The following RAD51B variants were observed in gnomAD, a reference collection of about 807,000 sequenced individuals.
The protein encoded by RAD51B is RAD51 paralog B.
RAD51B carries 38 observed loss-of-function variants against 42.2 expected under a neutral mutation model. That is an observed-to-expected ratio of 0.90 (90% CI 0.70 to 1.18). RAD51B has a LOEUF of 1.18. Among genes scored for constraint, RAD51B ranks in the 50% most tolerant of loss-of-function variants. The probability of loss-of-function intolerance (pLI) is 0.00; values close to 1 mark genes in which losing one functional copy is unlikely to be tolerated. For missense variants in RAD51B, 373 were observed against 400.7 expected (o/e 0.93, Z 0.59); for synonymous variants, 154 against 145.2 (o/e 1.06, Z -0.43).
chr14:67,871,308 C>A (rs2042522592), intron 5 of RAD51B, among the ~76,000 whole-genome samples: 1 of 152,064 alleles, frequency 6.6e-6, no homozygotes, highest in Non-Finnish European at 1.5e-5. Flanking sequence ...ACTACAAACA[C>A]CTCTATGCAA....
chr14:67,957,105 G>T (rs1349789475), intron 7 of RAD51B, among the ~76,000 whole-genome samples: 3 of 152,220 alleles, frequency 2.0e-5, no homozygotes, highest in Non-Finnish European at 2.9e-5. Flanking sequence ...GAATAAGATA[G>T]AATGTGATAA....
At position 68,508,222 on chromosome 14, in the gene RAD51B, G is replaced by C. The variant is rs996485311; in HGVS notation, c.1036+39972G>C. 2.6e-5 allele frequency among the ~76,000 whole-genome samples: 4 copies of C among 152,094 alleles called. No homozygotes were observed. The East Asian group carries it at 7.7e-4, about 29-fold the overall frequency. On this transcript the variant is annotated intron_variant, in intron 10 of 10. Coordinates refer to the RAD51B transcript ENST00000487270. ...CTTTATACTTGGTCCCTGCTTGGTT[G>C]GAGTCCTCTGCCACCCTCTGGCAAT...
intron 10 of RAD51B, among the ~76,000 whole-genome samples, chr14:68,618,847 CTTT>C (rs990624179): frequency 6.6e-6 from 1 of 151,722 alleles, no homozygotes; most frequent in Non-Finnish European, 1.5e-5. Flanking sequence ...CCTTCCCTAC[CTTT>C]TTTTTTCTTT....
intron 10 of RAD51B, among the ~76,000 whole-genome samples, chr14:68,527,121 C>T (rs984367901): frequency 4.6e-5 from 7 of 152,170 alleles, no homozygotes; most frequent in Non-Finnish European, 8.8e-5. Flanking sequence ...CCAATAATAA[C>T]GATGACCAAA....
intron 8 of RAD51B, among the ~76,000 whole-genome samples, chr14:68,318,781 C>T (rs144227749): frequency 6.6e-6 from 1 of 152,178 alleles, no homozygotes; most frequent in African/African-American, 2.4e-5. Context: ...GCATTGAACC[C>T]GCCAAAGAAA....
At position 68,372,873 on chromosome 14, in the gene RAD51B, C is replaced by G. The variant is rs138927968; in HGVS notation, c.854-38551C>G. ...ATACATAAATACCATCTGGGAAGTT[C>G]TCTAATCAACATTCTCCTTCCCTAG... On this transcript the variant is annotated intron_variant, in intron 8 of 10. Transcript: ENST00000471583. Among the ~76,000 whole-genome samples the G allele has an allele frequency of 5.9e-5, 9 of 152,322 alleles. No homozygotes were observed. In the East Asian group the frequency reaches 1.5e-3, roughly 26 times the overall value.
intron 8 of RAD51B, among the ~76,000 whole-genome samples, chr14:68,298,985 G>A (rs1171028537): frequency 3.9e-5 from 6 of 152,062 alleles, no homozygotes; most frequent in Non-Finnish European, 2.9e-5. Flanking sequence ...AGGCAGTCTA[G>A]CCCAAGGAGG....
chr14:67,983,170 G>A (rs1056455657), intron 7 of RAD51B, among the ~76,000 whole-genome samples: 1 of 152,148 alleles, frequency 6.6e-6, no homozygotes, highest in African/African-American at 2.4e-5. Flanking sequence ...CCCAAGTGAG[G>A]ACTTAGAACC....
rs142662154 is a variant in RAD51B at position 68,280,382 on chromosome 14, C to A, written c.757-11502C>A. ...GGACCATGAGTTTTCATATTGAGAACCTTTTTATGTGATAGACTAGAGAGC... is the reference window on the plus strand; with the variant it reads ...GGACCATGAGTTTTCATATTGAGAAACTTTTTATGTGATAGACTAGAGAGC... On this transcript the variant is annotated intron_variant, in intron 7 of 10. Coordinates refer to ENST00000471583, the MANE Select transcript of RAD51B (RefSeq NM_133510.4). Among the ~76,000 whole-genome samples the A allele has an allele frequency of 5.7e-3, 865 of 152,292 alleles. 6 individuals carry two copies. Among genetic ancestry groups the A allele is most frequent in the South Asian group, 0.014 (66 of 4,826 alleles).
chr14:68,318,670 T>A (rs1462447540), intron 8 of RAD51B, among the ~76,000 whole-genome samples: 3 of 152,128 alleles, frequency 2.0e-5, no homozygotes, highest in Non-Finnish European at 4.4e-5. Context: ...CTCTCTGGGG[T>A]CAGTGTGAAT....
intron 8 of RAD51B, among the ~76,000 whole-genome samples, chr14:68,356,308 G>T (rs1169116305): frequency 6.6e-6 from 1 of 151,788 alleles, no homozygotes; most frequent in Non-Finnish European, 1.5e-5. Flanking sequence ...AGTGGCGGGC[G>T]CCTGTGGTCC....
chr14:67,879,190 G>A (rs1452254958), intron 5 of RAD51B, among the ~76,000 whole-genome samples: 1 of 152,250 alleles, frequency 6.6e-6, no homozygotes, highest in South Asian at 2.1e-4. Context: ...GGCCTAAGCT[G>A]TAGTCCATAG....
At chr14:68,232,606 C>T (rs889365869) in intron 7 of RAD51B, among the ~76,000 whole-genome samples, 4 of 152,176 alleles carry the variant, frequency 2.6e-5, no homozygotes, top group African/African-American at 9.7e-5. Context: ...TCATAAGGCT[C>T]AGGGGGAATA....
chr14:68,142,313 T>TA (rs1212051225), intron 7 of RAD51B, among the ~76,000 whole-genome samples: 1 of 152,204 alleles, frequency 6.6e-6, no homozygotes, highest in Admixed American at 6.5e-5. Context: ...TTTTCAGAGT[T>TA]AGACTCTTTT....
At chr14:68,207,645 C>A (rs2079620191) in intron 7 of RAD51B, among the ~76,000 whole-genome samples, 2 of 151,978 alleles carry the variant, frequency 1.3e-5, no homozygotes, top group Admixed American at 6.5e-5. Context: ...TAAGAATAGC[C>A]TGGGGAAAGA....
chr14:68,090,934 G>A (rs1320787243), intron 7 of RAD51B, among the ~76,000 whole-genome samples: 1 of 140,176 alleles, frequency 7.1e-6, no homozygotes, highest in Non-Finnish European at 1.5e-5. Context: ...TCCCACCTAT[G>A]AGTGAGAACA....
At chr14:67,982,027 C>T (rs1304692419) in intron 7 of RAD51B, among the ~76,000 whole-genome samples, 1 of 152,138 alleles carries the variant, frequency 6.6e-6, no homozygotes, top group Non-Finnish European at 1.5e-5. Context: ...GCCTCTGCCT[C>T]CCAGGTTCAA....
At chr14:68,129,382 T>G (rs781105213) in intron 7 of RAD51B, among the ~76,000 whole-genome samples, 2 of 152,196 alleles carry the variant, frequency 1.3e-5, no homozygotes, top group African/African-American at 2.4e-5. Flanking sequence ...ACATTATTCT[T>G]TAACTAGAGA....
intron 10 of RAD51B, among the ~76,000 whole-genome samples, chr14:68,629,635 G>T (rs982922501): frequency 6.6e-6 from 1 of 152,190 alleles, no homozygotes; most frequent in Non-Finnish European, 1.5e-5. Context: ...GGATTCAGAA[G>T]CAAATAGCTT....
Sources: allele counts gnomAD v4.1 joint callset (sites outside exome capture counted in the v4.1 genomes callset), GRCh38; gene constraint gnomAD v4.1.1; transcripts MANE v1.5; gene names NCBI Gene and HGNC (gene_info 2026-07-23, HGNC 2026-07-21).